Variants in CSMD1 observed in about 807,000 individuals in gnomAD.
The protein encoded by CSMD1 is CUB and Sushi multiple domains 1, also known as CUB and sushi domain-containing protein 1.
A neutral mutation model predicts 417.5 loss-of-function variants in CSMD1; 213 were observed. That is an observed-to-expected ratio of 0.51 (90% confidence interval 0.46 to 0.57). The LOEUF is 0.57. Ranked by LOEUF, CSMD1 falls within the 20% of genes least tolerant of loss-of-function variation. CSMD1 has a pLI of 0.00. For synonymous variants in CSMD1, 2,862 were observed against 1,736.8 expected, an observed-to-expected ratio of 1.65 and a Z score of -16.11; for missense variants, 6,923 against 4,529.7, an observed-to-expected ratio of 1.53 and a Z score of -15.17.
intron 5 of CSMD1, among the ~76,000 whole-genome samples, chr8:3,970,120 A>C (rs1339805264): frequency 6.6e-6 from 1 of 152,226 alleles, no homozygotes; most frequent in Non-Finnish European, 1.5e-5. Flanking sequence ...AAATCTTAAA[A>C]TGCTCAATCA....
intron 5 of CSMD1, among the ~76,000 whole-genome samples, chr8:3,969,541 G>A (rs983075193): frequency 9.2e-5 from 14 of 152,018 alleles, no homozygotes; most frequent in Non-Finnish European, 2.9e-5. Context: ...TCTGTAAAAT[G>A]AAAATAAAAT....
chr8:3,944,720 C>G (rs1025564805), intron 5 of CSMD1, among the ~76,000 whole-genome samples: 19 of 152,098 alleles, frequency 1.2e-4, no homozygotes, highest in African/African-American at 4.3e-4. Flanking sequence ...TGTCTCTTGA[C>G]AATATTTCAA....
chr8:4,541,576 T>A (rs919050266), intron 2 of CSMD1, among the ~76,000 whole-genome samples: 1 of 151,830 alleles, frequency 6.6e-6, no homozygotes, highest in Non-Finnish European at 1.5e-5. Context: ...GGTAAAACCC[T>A]GTCTGTACTA....
chr8:3,189,416 G>C (rs1020876551), intron 34 of CSMD1, among the ~76,000 whole-genome samples: 14 of 152,208 alleles, frequency 9.2e-5, no homozygotes, highest in Admixed American at 8.5e-4. Flanking sequence ...TTCAAGAGAA[G>C]AGGCGCTTAA....
At position 4,025,371 on chromosome 8, in the gene CSMD1, G is replaced by A. The variant is rs577051989; in HGVS notation, c.610+6534C>T. 4.7e-4 allele frequency among the ~76,000 whole-genome samples: 72 copies of A among 152,204 alleles called. 1 individual carries two copies. The highest frequency in any genetic ancestry group is 3.4e-3 in the Middle Eastern group (1 of 294). ...GCATTTGATCCTCTATTTCCCTGTAGGACCCTAGATCTCAAAGTAATTTAT... is the reference window on the plus strand; with the variant it reads ...GCATTTGATCCTCTATTTCCCTGTAAGACCCTAGATCTCAAAGTAATTTAT... On this transcript the variant is annotated intron_variant, in intron 4 of 69. Transcript: ENST00000635120.
intron 7 of CSMD1, among the ~76,000 whole-genome samples, chr8:3,682,295 G>C (rs74989327): frequency 0.15 from 22,525 of 152,104 alleles, 1,760 homozygotes; most frequent in African/African-American, 0.2. Flanking sequence ...CTACTCATCT[G>C]ACAAAGGGCT....
chr8:4,369,810 T>G (rs1802297746), intron 3 of CSMD1, among the ~76,000 whole-genome samples: 1 of 152,196 alleles, frequency 6.6e-6, no homozygotes, highest in Non-Finnish European at 1.5e-5. Flanking sequence ...TCCCTTTACT[T>G]CGAGACTATG....
At chr8:3,613,302 G>T (rs563498885) in intron 8 of CSMD1, 3 of 420,960 alleles carry the variant, frequency 7.1e-6, no homozygotes, top group Admixed American at 5.5e-5. Flanking sequence ...TCCAATTCCA[G>T]GTAGCTTCCC....
In CSMD1 at chr8:4,420,080, C is replaced by G. The variant is rs184816015; in HGVS notation, c.303-15G>C. 755 of 1,521,574 alleles carry G rather than the reference C, an allele frequency of 5.0e-4. 2 individuals are homozygous for G. The African/African-American group carries it at 9.7e-3, about 19-fold the overall frequency. 94.3% of individuals were successfully genotyped at this position (1,521,574 alleles called of 1,614,324 possible). On this transcript the variant is annotated splice_polypyrimidine_tract_variant and intron_variant, in intron 2 of 69. Coordinates refer to ENST00000635120, the MANE Select transcript of CSMD1 (RefSeq NM_033225.6). ...ATCCCGATAATCTAAATTTAAAAGA[C>G]AAGACACAAAGAGAGTTAAAAGCAT...
intron 3 of CSMD1, among the ~76,000 whole-genome samples, chr8:4,111,362 T>C (rs774778252): frequency 2.0e-5 from 3 of 152,136 alleles, no homozygotes; most frequent in African/African-American, 4.8e-5. Flanking sequence ...AGTTTATTGA[T>C]GAAATACACA....
At position 4,054,844 on chromosome 8, in the gene CSMD1, T is replaced by C. The variant is rs1381487908; in HGVS notation, c.416-22745A>G. On this transcript the variant is annotated intron_variant, in intron 3 of 69. Coordinates refer to ENST00000635120, the MANE Select transcript of CSMD1 (RefSeq NM_033225.6). ...CATCTATCTAGCCACAGCAGCCCAC[T>C]GTTTGGAGAGAATGTATTGAAATGT... Among the ~76,000 whole-genome samples the C allele has an allele frequency of 3.3e-5, 5 of 152,258 alleles. No individual in the cohort carries two copies. The South Asian group carries it at 8.3e-4, about 25-fold the overall frequency.
At chr8:3,736,852 T>A (rs973077538) in intron 6 of CSMD1, among the ~76,000 whole-genome samples, 5 of 152,204 alleles carry the variant, frequency 3.3e-5, no homozygotes, top group Non-Finnish European at 7.3e-5. Flanking sequence ...TATGTCTACA[T>A]ATGAATGGGT....
At chr8:4,306,350 G>T (rs540062201) in intron 3 of CSMD1, among the ~76,000 whole-genome samples, 2 of 152,072 alleles carry the variant, frequency 1.3e-5, no homozygotes, top group African/African-American at 2.4e-5. Context: ...ACTCCTTTAT[G>T]TGACTAATCA....
At chr8:4,619,971 T>C (rs1801678809) in intron 2 of CSMD1, among the ~76,000 whole-genome samples, 1 of 152,056 alleles carries the variant, frequency 6.6e-6, no homozygotes, top group Non-Finnish European at 1.5e-5. Flanking sequence ...TAGCATAGTG[T>C]TACATGAGGC....
intron 2 of CSMD1, among the ~76,000 whole-genome samples, chr8:4,540,829 C>G (rs1333877325): frequency 6.6e-6 from 1 of 151,702 alleles, no homozygotes; most frequent in Non-Finnish European, 1.5e-5. Context: ...AAAACTGAGG[C>G]AAAAAAAGGT....
At chr8:3,962,958 A>G (rs1812428678) in intron 5 of CSMD1, among the ~76,000 whole-genome samples, 3 of 152,140 alleles carry the variant, frequency 2.0e-5, no homozygotes, top group East Asian at 3.9e-4. Context: ...TGTTTTTTAG[A>G]TGGACTCTTG....
intron 1 of CSMD1, among the ~76,000 whole-genome samples, chr8:4,837,386 A>G (rs1380093220): frequency 6.6e-6 from 1 of 152,224 alleles, no homozygotes; most frequent in Admixed American, 6.5e-5. Flanking sequence ...TGTGGTACAT[A>G]GACACCATGG....
intron 25 of CSMD1, among the ~76,000 whole-genome samples, chr8:3,295,509 G>C (rs12674988): frequency 0.045 from 6,849 of 152,158 alleles, 227 homozygotes; most frequent in Admixed American, 0.094. Flanking sequence ...AAAACTGTAA[G>C]TGTTTTATTT....
intron 3 of CSMD1, among the ~76,000 whole-genome samples, chr8:4,047,190 T>A (rs1798191309): frequency 6.6e-6 from 1 of 152,196 alleles, no homozygotes; most frequent in Non-Finnish European, 1.5e-5. Context: ...CTGGGCCAGA[T>A]GCTCTGTAGT....
Sources: gnomAD v4.1 joint callset for allele counts (sites outside exome capture counted in the v4.1 genomes callset) on GRCh38, gnomAD v4.1.1 for gene constraint, MANE v1.5 for transcripts, NCBI Gene and HGNC (gene_info 2026-07-23, HGNC 2026-07-21) for gene names.